The following NLGN1 variants were observed in gnomAD, a reference collection of about 807,000 sequenced individuals.
NLGN1 encodes the protein neuroligin-1.
In NLGN1, 12 loss-of-function variants were observed where a neutral mutation model predicts 65.5. That is an observed-to-expected ratio of 0.18 (90% confidence interval 0.12 to 0.30). The LOEUF is 0.30. Ranked by LOEUF, NLGN1 falls within the 10% of genes least tolerant of loss-of-function variation. The pLI is 1.00. For missense variants in NLGN1, 750 were observed against 1,007.1 expected (o/e 0.74, Z 3.46); for synonymous variants, 350 against 359.5 (o/e 0.97, Z 0.30).
At chr3:174,086,240 TATTTATGTATGTGCATAC>T (rs1561007575) in intron 4 of NLGN1, among the ~76,000 whole-genome samples, 2 of 151,592 alleles carry the variant, frequency 1.3e-5, no homozygotes, top group Non-Finnish European at 2.9e-5. Context: ...TGCACATATA[TATTTATGTATGTGCATAC>T]ATATATATAT....
intron 4 of NLGN1, among the ~76,000 whole-genome samples, chr3:174,023,244 GAGTTAAAT>G (rs777913680): frequency 2.6e-5 from 4 of 152,134 alleles, no homozygotes; most frequent in Non-Finnish European, 5.9e-5. Flanking sequence ...CTTAGCTCGT[GAGTTAAAT>G]AGTATCATTT....
chr3:173,702,764 G>T (rs1053464806), intron 3 of NLGN1, among the ~76,000 whole-genome samples: 2 of 152,306 alleles, frequency 1.3e-5, no homozygotes, highest in African/African-American at 4.8e-5. Flanking sequence ...TTTCTATGGA[G>T]ACACTAACTA....
intron 4 of NLGN1, among the ~76,000 whole-genome samples, chr3:173,864,702 C>T (rs539601877): frequency 5.9e-5 from 9 of 152,304 alleles, no homozygotes; most frequent in African/African-American, 1.7e-4. Flanking sequence ...GAAACTTACA[C>T]GCAGGCTGTA....
At chr3:173,710,722 C>A (rs1768818040) in intron 3 of NLGN1, among the ~76,000 whole-genome samples, 1 of 152,020 alleles carries the variant, frequency 6.6e-6, no homozygotes, top group African/African-American at 2.4e-5. Context: ...CAATAAAGTT[C>A]CTTTTTACCT....
chr3:173,994,465 C>CAAAA (rs1170577220), intron 4 of NLGN1, among the ~76,000 whole-genome samples: 298 of 32,854 alleles, frequency 9.1e-3, no homozygotes, highest in Non-Finnish European at 0.011. Flanking sequence ...TTGAGAAAAG[C>CAAAA]AAAAAAAAAA....
At chr3:173,702,950 A>G (rs532297283) in intron 3 of NLGN1, among the ~76,000 whole-genome samples, 3 of 152,358 alleles carry the variant, frequency 2.0e-5, no homozygotes, top group South Asian at 2.1e-4. Flanking sequence ...TAAAACATTT[A>G]TGAATTAAAT....
chr3:174,146,093 TTTCCTTCCTTCCTTCCTTCC>T (rs35623695), intron 4 of NLGN1, among the ~76,000 whole-genome samples: 6,468 of 125,146 alleles, frequency 0.052, 249 homozygotes, highest in African/African-American at 0.11. Context: ...ATTCTACTCT[TTTCCTTCCTTCCTTCCTTCC>T]TTCCTTCCTT....
At chr3:173,514,068 C>G (rs538841930) in intron 2 of NLGN1, among the ~76,000 whole-genome samples, 1 of 152,260 alleles carries the variant, frequency 6.6e-6, no homozygotes, top group South Asian at 2.1e-4. Context: ...AAGTTACTCA[C>G]TGCCCTTCTA....
At chr3:173,645,150 C>G (rs574843330) in intron 3 of NLGN1, among the ~76,000 whole-genome samples, 1 of 152,242 alleles carries the variant, frequency 6.6e-6, no homozygotes, top group African/African-American at 2.4e-5. Context: ...AGGCAACTTT[C>G]AGGTTCTTGC....
At chr3:173,703,360 A>G (rs1767549592) in intron 3 of NLGN1, among the ~76,000 whole-genome samples, 1 of 152,138 alleles carries the variant, frequency 6.6e-6, no homozygotes, top group Non-Finnish European at 1.5e-5. Context: ...TTGCATCATT[A>G]ATTTTAAATA....
intron 3 of NLGN1, among the ~76,000 whole-genome samples, chr3:173,722,778 A>G (rs1209236324): frequency 6.6e-6 from 1 of 152,206 alleles, no homozygotes; most frequent in Non-Finnish European, 1.5e-5. Flanking sequence ...TGTTAATATC[A>G]TAAGGTTGTT....
chr3:173,493,883 T>C (rs1729582961), intron 2 of NLGN1, among the ~76,000 whole-genome samples: 1 of 151,774 alleles, frequency 6.6e-6, no homozygotes. Flanking sequence ...TTATTTTTGA[T>C]TTTTTTGAAA....
At chr3:173,582,980 G>A (rs1263187631) in intron 2 of NLGN1, among the ~76,000 whole-genome samples, 2 of 152,226 alleles carry the variant, frequency 1.3e-5, no homozygotes, top group East Asian at 3.9e-4. Context: ...TTCAGTGTCT[G>A]AATATGTCAT....
intron 3 of NLGN1, among the ~76,000 whole-genome samples, chr3:173,632,836 T>C (rs1405150195): frequency 1.1e-5 from 1 of 92,074 alleles, no homozygotes; most frequent in East Asian, 3.1e-4. Context: ...CCTTGAGTAG[T>C]GTTTTTTTTT....
At chr3:173,664,899 A>C (rs1761484009) in intron 3 of NLGN1, among the ~76,000 whole-genome samples, 1 of 152,078 alleles carries the variant, frequency 6.6e-6, no homozygotes, top group African/African-American at 2.4e-5. Flanking sequence ...AACACTCCCC[A>C]AAATGCTCTG....
chr3:173,718,114 C>T (rs1770179311), intron 3 of NLGN1, among the ~76,000 whole-genome samples: 1 of 151,974 alleles, frequency 6.6e-6, no homozygotes, highest in African/African-American at 2.4e-5. Context: ...TTCGTATATC[C>T]ATCACCTCAA....
chr3:173,435,465 CAT>C (rs1717944862), intron 2 of NLGN1, among the ~76,000 whole-genome samples: 1 of 152,056 alleles, frequency 6.6e-6, no homozygotes, highest in Admixed American at 6.6e-5. Context: ...CATACACACA[CAT>C]ATATGAAAAT....
At chr3:174,272,347 T>C (rs1189876262) in intron 4 of NLGN1, among the ~76,000 whole-genome samples, 2 of 151,742 alleles carry the variant, frequency 1.3e-5, no homozygotes, top group East Asian at 3.9e-4. Flanking sequence ...GATAGCAAGG[T>C]ATAGAATGCT....
At chr3:173,935,309 T>C (rs1197787864) in intron 4 of NLGN1, among the ~76,000 whole-genome samples, 1 of 152,026 alleles carries the variant, frequency 6.6e-6, no homozygotes, top group African/African-American at 2.4e-5. Context: ...GCTAAAAATA[T>C]CAGAGATGAA....
Sources: allele counts gnomAD v4.1 joint callset (sites outside exome capture counted in the v4.1 genomes callset), GRCh38; gene constraint gnomAD v4.1.1; transcripts MANE v1.5; gene names NCBI Gene and HGNC (gene_info 2026-07-23, HGNC 2026-07-21).